The following CERKL variants were observed in gnomAD, a reference collection of about 807,000 sequenced individuals.
CERKL encodes the protein ceramide kinase-like protein.
Under a neutral mutation model 63.4 loss-of-function variants are expected in CERKL, and 61 were observed. The observed-to-expected ratio is 0.96, with a 90% confidence interval of 0.78 to 1.19. The LOEUF is 1.19. Ranked by LOEUF, CERKL falls within the 50% of genes most tolerant of loss-of-function variation. CERKL has a pLI of 0.00. For synonymous variants in CERKL, 250 were observed against 230.5 expected (o/e 1.08, Z -0.77); for missense variants, 675 against 655.5 (o/e 1.03, Z -0.33).
chr2:181,588,073 AATTTACAT>A (rs1684839822), intron 2 of CERKL, among the ~76,000 whole-genome samples: 1 of 152,176 alleles, frequency 6.6e-6, no homozygotes, highest in African/African-American at 2.4e-5. Context: ...AAATTGAGCC[AATTTACAT>A]ATGCATTATC....
chr2:181,612,631 A>G (rs1452280632), intron 1 of CERKL, among the ~76,000 whole-genome samples: 3 of 152,078 alleles, frequency 2.0e-5, no homozygotes, highest in Admixed American at 1.3e-4. Flanking sequence ...TATAAGATTA[A>G]TAATGGACTT....
At chr2:181,614,471 T>C (rs1686107021) in intron 1 of CERKL, among the ~76,000 whole-genome samples, 2 of 152,246 alleles carry the variant, frequency 1.3e-5, no homozygotes, top group Admixed American at 1.3e-4. Flanking sequence ...CGGTATCACC[T>C]TAAGAATGAC....
intron 1 of CERKL, among the ~76,000 whole-genome samples, chr2:181,619,824 C>A (rs1367647891): frequency 6.6e-6 from 1 of 152,166 alleles, no homozygotes; most frequent in South Asian, 2.1e-4. Flanking sequence ...AAGTTATTAA[C>A]TTACCAGAGG....
chr2:181,576,337 C>T (rs1281307750), intron 2 of CERKL, among the ~76,000 whole-genome samples: 1 of 152,080 alleles, frequency 6.6e-6, no homozygotes, highest in African/African-American at 2.4e-5. Flanking sequence ...AAACTCTGTC[C>T]CTCATCACTC....
rs187826917 is a variant in CERKL, at chr2:181,568,842, C to T, written c.614-2721G>A. Among the ~76,000 whole-genome samples the T allele has an allele frequency of 4.9e-3, 741 of 150,246 alleles. 8 individuals carry two copies. Among genetic ancestry groups the T allele is most frequent in the African/African-American group, 0.017 (673 of 40,696 alleles). On this transcript the variant is annotated intron_variant, in intron 3 of 12. Coordinates refer to ENST00000410087, the MANE Select transcript of CERKL (RefSeq NM_201548.5). ...CGATGCTATCCCTCCCCCCTCCCACCACCCCACAACTGTCCCCAGAGTGTG... is the reference window on the plus strand; with the variant it reads ...CGATGCTATCCCTCCCCCCTCCCACTACCCCACAACTGTCCCCAGAGTGTG...
At chr2:181,581,590 G>C (rs1304424670) in intron 2 of CERKL, among the ~76,000 whole-genome samples, 1 of 152,138 alleles carries the variant, frequency 6.6e-6, no homozygotes, top group Non-Finnish European at 1.5e-5. Context: ...CTTTAATAAG[G>C]CCATGTTATT....
intron 5 of CERKL, among the ~76,000 whole-genome samples, chr2:181,556,186 A>G (rs1688195744): frequency 6.6e-6 from 1 of 151,998 alleles, no homozygotes; most frequent in African/African-American, 2.4e-5. Context: ...GAGTACCTCA[A>G]GTAATGCTAT....
intron 1 of CERKL, among the ~76,000 whole-genome samples, chr2:181,621,531 T>C (rs1211394388): frequency 6.6e-6 from 1 of 152,228 alleles, no homozygotes; most frequent in Non-Finnish European, 1.5e-5. Flanking sequence ...CTTGGCAGTC[T>C]ACATAGATGG....
chr2:181,585,108 TA>T (rs1198349578), intron 2 of CERKL, among the ~76,000 whole-genome samples: 1 of 151,968 alleles, frequency 6.6e-6, no homozygotes, highest in Non-Finnish European at 1.5e-5. Flanking sequence ...GAAGAGGAAA[TA>T]TTTTCATCTG....
intron 2 of CERKL, among the ~76,000 whole-genome samples, chr2:181,585,247 T>C (rs973021479): frequency 6.6e-6 from 1 of 152,198 alleles, no homozygotes; most frequent in African/African-American, 2.4e-5. Flanking sequence ...TGCTCTCTGC[T>C]ATGTTTACTA....
rs899399621 is a variant in CERKL at position 181,539,212 on chromosome 2, G to A, written c.1418C>T (p.Pro473Leu). 3.1e-6 allele frequency: 5 copies of A among 1,604,748 alleles called. No individual in the cohort carries two copies. The highest frequency in any genetic ancestry group is 1.1e-5 in the South Asian group (1 of 90,854). The change falls in exon 12 of 13, where the codon CCA becomes CTA. Residue 473 changes from proline (P) to leucine (L), a missense_variant. Physicochemically the swap from Pro to Leu is moderately conservative, Grantham distance 98 (BLOSUM62 -3). Transcript: ENST00000410087. ...ATTATATCCACCAGTATTATTCCTT[G>A]GATGAACTTTTACTTCCTCAACAGT... ...TYTVEEVKVHPRNNTGGYNPE... is the reference protein window; with the variant it reads ...TYTVEEVKVHLRNNTGGYNPE...
intron 1 of CERKL, among the ~76,000 whole-genome samples, chr2:181,618,018 A>C (rs1686276064): frequency 6.6e-6 from 1 of 152,206 alleles, no homozygotes; most frequent in Admixed American, 6.5e-5. Flanking sequence ...GAGTTGAAAA[A>C]ACTCAGAAAG....
At chr2:181,552,025 T>C (rs1035658508) in intron 5 of CERKL, among the ~76,000 whole-genome samples, 8 of 152,126 alleles carry the variant, frequency 5.3e-5, no homozygotes, top group Non-Finnish European at 1.0e-4. Flanking sequence ...TGGATAAACC[T>C]GGAGGACATT....
At chr2:181,626,280 C>T (rs1686699703) in intron 1 of CERKL, among the ~76,000 whole-genome samples, 2 of 151,886 alleles carry the variant, frequency 1.3e-5, no homozygotes, top group Admixed American at 6.6e-5. Flanking sequence ...AGAGAAAAAG[C>T]GAACAACAGA....
chr2:181,594,342 ATATAAAAGAGTAAGTGCC>A (rs534023562), intron 2 of CERKL, among the ~76,000 whole-genome samples: 157 of 152,298 alleles, frequency 1.0e-3, no homozygotes, highest in Non-Finnish European at 1.8e-3. Flanking sequence ...TGCCAGGAAC[ATATAAAAGAGTAAGTGCC>A]TGGTTTGCTC....
At chr2:181,610,616 G>A (rs1038993170) in intron 1 of CERKL, among the ~76,000 whole-genome samples, 1 of 152,134 alleles carries the variant, frequency 6.6e-6, no homozygotes, top group Non-Finnish European at 1.5e-5. Context: ...GTATGAAAAA[G>A]TAGAATAAAA....
chr2:181,614,364 ATAAT>A (rs2105909224), intron 1 of CERKL, among the ~76,000 whole-genome samples: 1 of 152,358 alleles, frequency 6.6e-6, no homozygotes, highest in South Asian at 2.1e-4. Flanking sequence ...TATGGGAAAC[ATAAT>A]TAAAGAGAAA....
intron 2 of CERKL, among the ~76,000 whole-genome samples, chr2:181,594,582 A>C (rs1297119127): frequency 6.6e-6 from 1 of 151,866 alleles, no homozygotes; most frequent in Admixed American, 6.6e-5. Flanking sequence ...CTGACCACAC[A>C]CACAGGCTTC....
At chr2:181,629,316 A>G (rs1413431708) in intron 1 of CERKL, among the ~76,000 whole-genome samples, 1 of 152,176 alleles carries the variant, frequency 6.6e-6, no homozygotes, top group African/African-American at 2.4e-5. Flanking sequence ...AACACAGTGG[A>G]TTTAGATAAC....
Sources: allele counts gnomAD v4.1 joint callset (sites outside exome capture counted in the v4.1 genomes callset), GRCh38; gene constraint gnomAD v4.1.1; transcripts MANE v1.5; gene names NCBI Gene and HGNC (gene_info 2026-07-23, HGNC 2026-07-21).